Variants in CHD6 observed in about 807,000 individuals in gnomAD.
CHD6 encodes the protein ATP-dependent chromatin remodeler CHD6.
A neutral mutation model predicts 276.9 loss-of-function variants in CHD6; 50 were observed. The ratio of observed to expected loss-of-function variants is 0.18; its 90% CI spans 0.14 to 0.23. CHD6 has a LOEUF of 0.23. CHD6 is among the 10% of genes least tolerant of loss of function. The pLI is 1.00. For missense variants in CHD6, 2,564 were observed against 3,365.8 expected (o/e 0.76, Z 5.89); for synonymous variants, 1,173 against 1,229.3 (o/e 0.95, Z 0.96).
intron 1 of CHD6, among the ~76,000 whole-genome samples, chr20:41,596,983 C>G (rs755532626): frequency 2.0e-5 from 3 of 152,016 alleles, no homozygotes; most frequent in Non-Finnish European, 4.4e-5. Context: ...AACAAAGTAC[C>G]CGAGGGTCCA....
chr20:41,587,161 ATAC>A (rs780001992), intron 1 of CHD6, among the ~76,000 whole-genome samples: 15 of 152,264 alleles, frequency 9.9e-5, no homozygotes, highest in Non-Finnish European at 2.1e-4. Context: ...ACATTTCAAC[ATAC>A]TATCAAGAAA....
chr20:41,422,833 C>G (rs866110970), intron 30 of CHD6, among the ~76,000 whole-genome samples: 3 of 152,222 alleles, frequency 2.0e-5, no homozygotes, highest in African/African-American at 4.8e-5. Context: ...AACACTTTAG[C>G]CCTGCCATAT....
chr20:41,448,969 T>C (rs1195406339), intron 23 of CHD6, among the ~76,000 whole-genome samples: 1 of 152,022 alleles, frequency 6.6e-6, no homozygotes, highest in Admixed American at 6.5e-5. Flanking sequence ...TGGCGCGATC[T>C]TGGCTCACTG....
At chr20:41,531,471 A>T (rs369279906) in intron 3 of CHD6, among the ~76,000 whole-genome samples, 1 of 152,198 alleles carries the variant, frequency 6.6e-6, no homozygotes, top group South Asian at 2.1e-4. Flanking sequence ...CAGAGGCTGA[A>T]CAGTCACTCT....
chr20:41,520,750 A>G (rs187661644), intron 3 of CHD6, among the ~76,000 whole-genome samples: 5 of 152,056 alleles, frequency 3.3e-5, no homozygotes, highest in Admixed American at 6.6e-5. Flanking sequence ...CAGCACACCA[A>G]CATGGCACAT....
chr20:41,474,175 T>C (rs1453863266), intron 16 of CHD6, among the ~76,000 whole-genome samples: 1 of 152,122 alleles, frequency 6.6e-6, no homozygotes, highest in African/African-American at 2.4e-5. Flanking sequence ...GTGAAGGAAC[T>C]GATGAATAGT....
At chr20:41,502,637 G>A (rs910538757) in intron 5 of CHD6, among the ~76,000 whole-genome samples, 5 of 152,150 alleles carry the variant, frequency 3.3e-5, no homozygotes, top group African/African-American at 1.2e-4. Context: ...ATTTTCATAT[G>A]AATTTCCACC....
chr20:41,497,541 T>A, intron 7 of CHD6, 40 bp from the exon 8 acceptor site: 1 of 1,341,256 alleles, frequency 7.5e-7, no homozygotes. Context: ...AGCACATAAC[T>A]AGCAAATGAT....
At chr20:41,493,507 G>A in intron 10 of CHD6, 31 bp downstream of exon 10, 2 of 1,606,050 alleles carry the variant, frequency 1.2e-6, no homozygotes, top group Non-Finnish European at 1.7e-6. Context: ...CATGTTCCGA[G>A]AAGTGCCAGA....
chr20:41,507,107 A>G (rs1309306663), intron 5 of CHD6, among the ~76,000 whole-genome samples: 1 of 152,218 alleles, frequency 6.6e-6, no homozygotes, highest in Non-Finnish European at 1.5e-5. Flanking sequence ...AAGCATCCAC[A>G]CATGTACATA....
intron 11 of CHD6, among the ~76,000 whole-genome samples, chr20:41,491,101 T>C (rs185397669): frequency 1.3e-5 from 2 of 152,148 alleles, no homozygotes; most frequent in Admixed American, 1.3e-4. Context: ...CTGTAGACAT[T>C]ATAAATACTG....
chr20:41,537,048 A>G (rs1165854882), intron 2 of CHD6, among the ~76,000 whole-genome samples: 2 of 152,198 alleles, frequency 1.3e-5, no homozygotes, highest in Non-Finnish European at 2.9e-5. Flanking sequence ...TTGAAAGAAA[A>G]ATTAAATAAA....
At chr20:41,598,809 T>A (rs868863284) in intron 1 of CHD6, among the ~76,000 whole-genome samples, 4 of 152,132 alleles carry the variant, frequency 2.6e-5, no homozygotes, top group Non-Finnish European at 5.9e-5. Flanking sequence ...CCCAAGCAGA[T>A]GTATGGTGGT....
chr20:41,572,918 T>C lies in CHD6; in HGVS notation c.-23-21558A>G, dbSNP rs532839721. ...AGTATAATTCTAAAGCTCAAGACCC[T>C]TTTTTTTTTTAGACTGAGTCTTGCT... is the stretch of plus-strand genomic sequence containing the variant. On this transcript the variant is annotated intron_variant, in intron 1 of 36. Transcript: ENST00000373233. 3.0e-4 allele frequency among the ~76,000 whole-genome samples: 44 copies of C among 145,034 alleles called. No individual in the cohort carries two copies. In the South Asian group the frequency reaches 8.1e-3, roughly 27 times the overall value.
rs1462990736 is a variant in CHD6, at chr20:41,423,585, C to G, written c.4462G>C (p.Asp1488His). 1 of 1,614,196 alleles carries G rather than the reference C, an allele frequency of 6.2e-7. No homozygotes were observed. The highest frequency in any genetic ancestry group is 2.2e-5 in the East Asian group (1 of 44,880). ...TCCAGGCTCTCATCCGACTTCTTGTCCAAACGGGAAATGATGCGGAACTGT... is the reference window on the plus strand; with the variant it reads ...TCCAGGCTCTCATCCGACTTCTTGTGCAAACGGGAAATGATGCGGAACTGT... ...WTQFRIISRLDKKSDESLEQY... is the reference protein window; with the variant it reads ...WTQFRIISRLHKKSDESLEQY... Residue 1488 changes from aspartate (D) to histidine (H), a missense_variant, in exon 30 of 37, where the codon GAC becomes CAC. Around this residue, in one of 7 missense-constraint regions of CHD6, gnomAD observed 515 missense variants for 739.5 expected, o/e 0.70. Transcript: ENST00000373233.
intron 1 of CHD6, among the ~76,000 whole-genome samples, chr20:41,616,984 A>G (rs1167756095): frequency 6.6e-6 from 1 of 152,208 alleles, no homozygotes; most frequent in Non-Finnish European, 1.5e-5. Flanking sequence ...AAACGCCACA[A>G]ACATATTTCC....
At chr20:41,564,909 T>C (rs1007060699) in intron 1 of CHD6, among the ~76,000 whole-genome samples, 10 of 152,162 alleles carry the variant, frequency 6.6e-5, no homozygotes, top group Middle Eastern at 3.4e-3. Context: ...TAATTGAAGA[T>C]TTCTGAGAAA....
intron 8 of CHD6, among the ~76,000 whole-genome samples, chr20:41,495,543 T>C (rs184591556): frequency 9.2e-5 from 14 of 152,242 alleles, no homozygotes; most frequent in Admixed American, 2.6e-4. Context: ...ATGCATAGCA[T>C]GGTGATGACA....
At chr20:41,606,375 G>T (rs1162352196) in intron 1 of CHD6, among the ~76,000 whole-genome samples, 1 of 152,316 alleles carries the variant, frequency 6.6e-6, no homozygotes, top group Non-Finnish European at 1.5e-5. Context: ...TTAGCCAGGC[G>T]TGGTGGCGGG....
Sources: gnomAD v4.1 joint callset for allele counts (sites outside exome capture counted in the v4.1 genomes callset) on GRCh38, gnomAD v4.1.1 for gene constraint, gnomAD v4.1.1 regional missense constraint, MANE v1.5 for transcripts, NCBI Gene and HGNC (gene_info 2026-07-23, HGNC 2026-07-21) for gene names.